The following CNTN1 variants were observed in gnomAD, a reference collection of about 807,000 sequenced individuals.
CNTN1 encodes the protein contactin-1.
CNTN1 carries 38 observed loss-of-function variants against 126.4 expected under a neutral mutation model. The observed-to-expected ratio is 0.30, with a 90% confidence interval of 0.23 to 0.39. The LOEUF is 0.39. Ranked by LOEUF, CNTN1 falls within the 10% of genes least tolerant of loss-of-function variation. The pLI, the probability that CNTN1 is intolerant of heterozygous loss-of-function variation, is 1.00. For synonymous variants in CNTN1, 413 were observed against 422.6 expected (o/e 0.98, Z 0.28); for missense variants, 1,009 against 1,248.4 (o/e 0.81, Z 2.89).
intron 1 of CNTN1, among the ~76,000 whole-genome samples, chr12:40,867,625 C>T (rs1565857657): frequency 6.6e-6 from 1 of 151,942 alleles, no homozygotes; most frequent in Admixed American, 6.6e-5. Context: ...TTTTATTTGT[C>T]AATTTAAAAA....
In CNTN1 at chr12:40,900,678, AAAG is replaced by A. The variant is rs1340286512; in HGVS notation, c.-76-7677_-76-7675del. 8.5e-5 allele frequency among the ~76,000 whole-genome samples: 13 copies of A among 152,338 alleles called. 1 individual carries two copies. In the East Asian group the frequency reaches 2.1e-3, roughly 25 times the overall value. ...GAATTACTGATTCAATCAATGAACA[AAAG>A]AGGCACTGTTTTAGCAAGCAAGATT... On this transcript the variant is annotated intron_variant, in intron 1 of 23. Transcript: ENST00000551295.
intron 1 of CNTN1, among the ~76,000 whole-genome samples, chr12:40,901,789 A>G (rs1203294059): frequency 2.0e-5 from 3 of 152,186 alleles, no homozygotes; most frequent in African/African-American, 7.2e-5. Flanking sequence ...TGTGTACTGT[A>G]TTCCTTGGCT....
intron 1 of CNTN1, among the ~76,000 whole-genome samples, chr12:40,735,357 G>A (rs77567852): frequency 8.5e-5 from 13 of 152,182 alleles, no homozygotes; most frequent in African/African-American, 1.4e-4. Context: ...AGAAAGAAAC[G>A]TAACTAGAAT....
chr12:41,059,914 T>C (rs1030134585), intron 23 of CNTN1, among the ~76,000 whole-genome samples: 15 of 152,120 alleles, frequency 9.9e-5, no homozygotes, highest in Non-Finnish European at 1.5e-5. Flanking sequence ...TAATCCCATC[T>C]ACTCAGAAGG....
At chr12:40,894,136 T>C (rs1944325848) in intron 1 of CNTN1, among the ~76,000 whole-genome samples, 1 of 152,150 alleles carries the variant, frequency 6.6e-6, no homozygotes, top group Non-Finnish European at 1.5e-5. Context: ...CCAAGAACCA[T>C]ATTTCTTGGA....
At chr12:40,901,140 T>C (rs139011566) in intron 1 of CNTN1, among the ~76,000 whole-genome samples, 24 of 152,350 alleles carry the variant, frequency 1.6e-4, no homozygotes, top group African/African-American at 5.8e-4. Context: ...TGTACTGAGT[T>C]AATAGGGATC....
At chr12:40,896,469 T>C (rs1944418389) in intron 1 of CNTN1, among the ~76,000 whole-genome samples, 1 of 152,200 alleles carries the variant, frequency 6.6e-6, no homozygotes, top group South Asian at 2.1e-4. Flanking sequence ...GCATCACTTC[T>C]GACTAGACTC....
At chr12:40,910,648 T>C (rs141526561) in intron 3 of CNTN1, among the ~76,000 whole-genome samples, 1 of 152,338 alleles carries the variant, frequency 6.6e-6, no homozygotes, top group African/African-American at 2.4e-5. Flanking sequence ...AAGACCAGCC[T>C]GAATTTGCAT....
rs71078272 is a variant in CNTN1 at position 40,811,827 on chromosome 12, CAA to C, written c.-76-96518_-76-96517del. Among the ~76,000 whole-genome samples the C allele has an allele frequency of 2.6e-4, 37 of 145,022 alleles. No homozygotes were observed. The East Asian group carries it at 2.8e-3, about 11-fold the overall frequency. ...TGAAGGTTTGTTAACTTTATCTTTT[CAA>C]AAAAAAAAAAACTCTTAGTGTCATT... On this transcript the variant is annotated intron_variant, in intron 1 of 23. Coordinates refer to ENST00000551295, the MANE Select transcript of CNTN1 (RefSeq NM_001843.4).
intron 15 of CNTN1, among the ~76,000 whole-genome samples, chr12:40,960,264 T>A (rs1947059399): frequency 6.6e-6 from 1 of 152,074 alleles, no homozygotes; most frequent in African/African-American, 2.4e-5. Flanking sequence ...TTGCATTGTT[T>A]CGTAGCTCTC....
chr12:40,982,907 A>G (rs1947856543), intron 16 of CNTN1, among the ~76,000 whole-genome samples: 1 of 130,454 alleles, frequency 7.7e-6, no homozygotes, highest in Non-Finnish European at 1.6e-5. Context: ...ACACTTGGAC[A>G]CAGGGTGGGG....
chr12:40,947,101 T>TA (rs1426180244), intron 14 of CNTN1, among the ~76,000 whole-genome samples: 9 of 152,140 alleles, frequency 5.9e-5, no homozygotes, highest in Admixed American at 4.6e-4. Flanking sequence ...CTACTTTATG[T>TA]AAAACTTTGG....
intron 1 of CNTN1, among the ~76,000 whole-genome samples, chr12:40,762,246 A>G (rs1938891779): frequency 6.6e-6 from 1 of 152,236 alleles, no homozygotes; most frequent in Non-Finnish European, 1.5e-5. Flanking sequence ...TACAATGTCC[A>G]AAGTAGAAAT....
chr12:41,062,969 A>C (rs1949968827), intron 23 of CNTN1, among the ~76,000 whole-genome samples: 1 of 152,226 alleles, frequency 6.6e-6, no homozygotes, highest in South Asian at 2.1e-4. Context: ...AACTGATTAG[A>C]CTAAGTCCAA....
intron 1 of CNTN1, among the ~76,000 whole-genome samples, chr12:40,818,633 T>C (rs552518150): frequency 2.0e-5 from 3 of 152,198 alleles, no homozygotes; most frequent in Non-Finnish European, 4.4e-5. Context: ...TAGCTCATCA[T>C]AGTTTTTTAT....
chr12:40,984,893 C>T (rs1947914080), intron 16 of CNTN1, among the ~76,000 whole-genome samples: 1 of 151,776 alleles, frequency 6.6e-6, no homozygotes, highest in Admixed American at 6.6e-5. Context: ...ATATAGTTTT[C>T]TACAATTACT....
At chr12:40,934,870 T>C (rs1240752656) in intron 9 of CNTN1, among the ~76,000 whole-genome samples, 2 of 152,072 alleles carry the variant, frequency 1.3e-5, no homozygotes, top group Non-Finnish European at 1.5e-5. Context: ...TGTACTTTTT[T>C]TTGATCTAAC....
chr12:41,011,201 A>G (rs1948643930), intron 17 of CNTN1, among the ~76,000 whole-genome samples: 1 of 152,190 alleles, frequency 6.6e-6, no homozygotes. Context: ...GACCCCAAAT[A>G]ACGGGGATTC....
intron 1 of CNTN1, among the ~76,000 whole-genome samples, chr12:40,805,014 A>C (rs866787281): frequency 6.6e-6 from 1 of 152,086 alleles, no homozygotes; most frequent in South Asian, 2.1e-4. Context: ...CTGACAAAAA[A>C]GTCTGACTTT....
Sources: gnomAD v4.1 joint callset for allele counts (sites outside exome capture counted in the v4.1 genomes callset) on GRCh38, gnomAD v4.1.1 for gene constraint, MANE v1.5 for transcripts, NCBI Gene and HGNC (gene_info 2026-07-23, HGNC 2026-07-21) for gene names.